COL18A1: variants seen among roughly 807,000 people sequenced by gnomAD.
The protein encoded by COL18A1 is collagen alpha-1(XVIII) chain.
A neutral mutation model predicts 168.0 loss-of-function variants in COL18A1; 133 were observed. The observed-to-expected ratio is 0.79, with a 90% confidence interval of 0.69 to 0.91. COL18A1 has a LOEUF of 0.91. Ranked by LOEUF, COL18A1 falls within the 40% of genes least tolerant of loss-of-function variation. The probability of loss-of-function intolerance (pLI) is 0.00; values close to 1 mark genes in which losing one functional copy is unlikely to be tolerated. For synonymous variants in COL18A1, 949 were observed against 809.0 expected, an observed-to-expected ratio of 1.17 and a Z score of -2.94; for missense variants, 2,126 against 1,925.4, an observed-to-expected ratio of 1.10 and a Z score of -1.95.
intron 22 of COL18A1, among the ~76,000 whole-genome samples, chr21:45,492,285 G>A (rs2036379341): frequency 6.6e-6 from 1 of 152,192 alleles, no homozygotes; most frequent in Non-Finnish European, 1.5e-5. Flanking sequence ...TCTAGCAGAG[G>A]CAGGAGCATT....
In COL18A1 at chr21:45,443,001, G is replaced by A. The variant is rs1446094488; in HGVS notation, c.107-25241G>A. On this transcript the variant is annotated intron_variant, in intron 2 of 41. Coordinates refer to ENST00000651438, the MANE Select transcript of COL18A1 (RefSeq NM_001379500.1). The surrounding 1 kb of genome is among the most constrained non-coding windows in gnomAD (Gnocchi z 5.2). ...TGTGGGTGGCGGTGCTGGTGTGGGC[G>A]GCGGTGCTGATGTGGGTGGTGGTGG... is the stretch of plus-strand genomic sequence containing the variant. 3.6e-5 allele frequency among the ~76,000 whole-genome samples: 5 copies of A among 140,040 alleles called. No individual in the cohort carries two copies. Among genetic ancestry groups the A allele is most frequent in the African/African-American group, 8.5e-5 (3 of 35,468 alleles). 91.9% of individuals were successfully genotyped at this position (140,040 alleles called of 152,430 possible). A position where few individuals can be genotyped will look rare whatever the true frequency, so the allele number is the denominator to read the frequency against.
At chr21:45,453,365 GAGC>G (rs774158566) in intron 2 of COL18A1, among the ~76,000 whole-genome samples, 56 of 152,324 alleles carry the variant, frequency 3.7e-4, no homozygotes, top group Admixed American at 3.7e-3. Context: ...GTTCATGCAT[GAGC>G]AGGAGTGAGC....
At chr21:45,510,612 C>T (rs62214276) in intron 40 of COL18A1, among the ~76,000 whole-genome samples, 1,912 of 152,340 alleles carry the variant, frequency 0.013, 27 homozygotes, top group East Asian at 0.035. Flanking sequence ...AATCAGGAAC[C>T]GTCCTTTGGG....
At chr21:45,481,942 C>G (rs1350505940) in intron 13 of COL18A1, 21 bp from the exon 14 acceptor site, 1 of 1,591,548 alleles carries the variant, frequency 6.3e-7, no homozygotes, top group Non-Finnish European at 8.6e-7. Context: ...TCAAGACCCA[C>G]TATGCTCTGC....
At position 45,497,611 on chromosome 21, in the gene COL18A1, C is replaced by G; in HGVS notation, c.2633C>G (p.Pro878Arg). The change falls in exon 32 of 42, where the codon CCT becomes CGT. Residue 878 changes from proline (P) to arginine (R), a missense_variant. By Grantham distance (103) the Pro-to-Arg change is moderately radical. Coordinates refer to ENST00000651438, the MANE Select transcript of COL18A1 (RefSeq NM_001379500.1). ...GPPGLPGNQG[P>R]PGPKGAKGEV... The stretch of plus-strand genomic sequence containing the variant: ...TCTCTTCCTCCAGGGAATCAGGGCC[C>G]TCCAGGACCCAAGGGCGCCAAAGGA... 6.4e-7 allele frequency: 1 copy of G among 1,564,678 alleles called. No individual in the cohort carries two copies. Among genetic ancestry groups the G allele is most frequent in the South Asian group, 1.2e-5 (1 of 85,166 alleles).
intron 22 of COL18A1, 67 bp downstream of exon 22, chr21:45,491,381 C>T: frequency 1.3e-6 from 1 of 767,934 alleles, no homozygotes; most frequent in Non-Finnish European, 2.2e-6. Flanking sequence ...AGATCCCTCC[C>T]CGAGCCCCCC....
intron 32 of COL18A1, 106 bp downstream of exon 32, chr21:45,497,767 G>C: frequency 6.9e-7 from 1 of 1,457,068 alleles, no homozygotes; most frequent in Non-Finnish European, 9.4e-7. Context: ...ACCCTCACTG[G>C]GTGGTGACCA....
At chr21:45,496,145 T>C in intron 29 of COL18A1, 1 of 428,958 alleles carries the variant, frequency 2.3e-6, no homozygotes, top group South Asian at 2.0e-5. Flanking sequence ...GTTCTCCCGC[T>C]CAGCCCAAAG....
At chr21:45,459,512 C>T (rs895760304) in intron 2 of COL18A1, among the ~76,000 whole-genome samples, 2 of 152,236 alleles carry the variant, frequency 1.3e-5, no homozygotes, top group East Asian at 1.9e-4. Context: ...CCCTCCACCT[C>T]GTCCTGGGCA....
chr21:45,497,505 C>A, intron 31 of COL18A1, 94 bp from the exon 32 acceptor site: 2 of 1,482,842 alleles, frequency 1.3e-6, no homozygotes, highest in Non-Finnish European at 1.8e-6. Context: ...CCCATCCAGG[C>A]CCCCAGGCAC....
At chr21:45,458,614 G>T (rs893221818) in intron 2 of COL18A1, among the ~76,000 whole-genome samples, 14 of 152,182 alleles carry the variant, frequency 9.2e-5, no homozygotes, top group Admixed American at 2.0e-4. Context: ...CAAGCATGTG[G>T]GTAGGGCAGC....
intron 2 of COL18A1, among the ~76,000 whole-genome samples, chr21:45,458,215 G>A (rs947751837): frequency 3.9e-5 from 6 of 152,010 alleles, no homozygotes; most frequent in African/African-American, 1.2e-4. Context: ...CCTTGTGGAT[G>A]CGCCCCAGAA....
intron 2 of COL18A1, among the ~76,000 whole-genome samples, chr21:45,449,021 C>T (rs1216209558): frequency 2.0e-5 from 3 of 152,232 alleles, no homozygotes; most frequent in African/African-American, 7.2e-5. Flanking sequence ...TCCCCGTGGC[C>T]TCCTGTCAGG....
chr21:45,443,495 G>C lies in COL18A1; in HGVS notation c.107-24747G>C, dbSNP rs534474610. The stretch of plus-strand genomic sequence containing the variant: ...CGGTGGTGGAGATGCTTTGCCACTG[G>C]CCACCCAGAGCTAGGAGCCTCGGCC... On this transcript the variant is annotated intron_variant, in intron 2 of 41. Coordinates refer to ENST00000651438, the MANE Select transcript of COL18A1 (RefSeq NM_001379500.1). This position sits in a 1 kb window ranked among gnomAD's most constrained non-coding sequence, Gnocchi z 5.2. 1.4e-4 allele frequency among the ~76,000 whole-genome samples: 21 copies of C among 152,272 alleles called. No individual in the cohort carries two copies. The highest frequency in any genetic ancestry group is 4.3e-4 in the African/African-American group (18 of 41,570).
In COL18A1 at chr21:45,491,206, G is replaced by T; in HGVS notation, c.2068-19G>T. The T allele has an allele frequency of 6.3e-7, 1 of 1,599,180 alleles. No individual in the cohort carries two copies. On this transcript the variant is annotated intron_variant, in intron 21 of 41. Transcript: ENST00000651438. Reference sequence around the variant, plus strand: ...GAGCGGTTGAGATGAAATGCCGGACGCGTGGCCTCCTCTTCCAGGGAGATC... The same window carrying T: ...GAGCGGTTGAGATGAAATGCCGGACTCGTGGCCTCCTCTTCCAGGGAGATC...
Position 45,504,050 on chromosome 21 carries a change from T to C in COL18A1, c.2723T>C (p.Met908Thr). The C allele has an allele frequency of 9.3e-6, 15 of 1,613,616 alleles. No individual in the cohort carries two copies. The highest frequency in any genetic ancestry group is 1.3e-5 in the Non-Finnish European group (15 of 1,179,968). ...GACTTTCTTCAGTTGGAGGCTGAAA[T>C]GAAGGTGGGTGACCTCCCTGTGGGG... Reference protein sequence around the residue: ...PFDFLQLEAEMKGEKGDRGDA... With the variant: ...PFDFLQLEAETKGEKGDRGDA... Residue 908 changes from methionine (M) to threonine (T), a missense_variant, in exon 33 of 42, where the codon ATG becomes ACG. Physicochemically the swap from Met to Thr is moderately conservative, Grantham distance 81. Transcript: ENST00000651438.
chr21:45,451,089 T>C (rs1024589316), intron 2 of COL18A1, among the ~76,000 whole-genome samples: 8 of 152,228 alleles, frequency 5.3e-5, no homozygotes, highest in Non-Finnish European at 1.2e-4. Flanking sequence ...TGTGAGGTTC[T>C]GAGCTGTTAG....
At chr21:45,451,119 G>A (rs1183351580) in intron 2 of COL18A1, among the ~76,000 whole-genome samples, 1 of 152,252 alleles carries the variant, frequency 6.6e-6, no homozygotes, top group Non-Finnish European at 1.5e-5. Flanking sequence ...CCTCAGGAGC[G>A]GGCAGGTCAT....
chr21:45,486,945 C>T lies in COL18A1; in HGVS notation c.1786C>T (p.Pro596Ser), dbSNP rs1444954603. Reference sequence around the variant, plus strand: ...CCCCGGACCTGCTGGACCACCAGGCCCCCCTGGGCCCCCTGGGCCCCCAGG... The same window carrying T: ...CCCCGGACCTGCTGGACCACCAGGCTCCCCTGGGCCCCCTGGGCCCCCAGG... ...GAPGPAGPPG[P>S]PGPPGPPGPG... Residue 596 changes from proline (P) to serine (S), a missense_variant, in exon 16 of 42, where the codon CCC (proline) becomes TCC (serine). By Grantham distance (74) the Pro-to-Ser change is moderately conservative. Transcript: ENST00000651438. 2 of 1,476,784 alleles carry T rather than the reference C, an allele frequency of 1.4e-6. No homozygotes were observed. The highest frequency in any genetic ancestry group is 1.8e-6 in the Non-Finnish European group (2 of 1,112,994). The allele number at this position is 1,476,784 out of a possible 1,614,324, so 91.5% of individuals were successfully genotyped here. A position where few individuals can be genotyped will look rare whatever the true frequency, so the allele number is the denominator to read the frequency against.
Sources: gnomAD v4.1 joint callset for allele counts (sites outside exome capture counted in the v4.1 genomes callset) on GRCh38, gnomAD v4.1.1 for gene constraint, Gnocchi (gnomAD v3.1) non-coding constraint, MANE v1.5 for transcripts, NCBI Gene and HGNC (gene_info 2026-07-23, HGNC 2026-07-21) for gene names.